The following NRXN1 variants were observed in gnomAD, a reference collection of about 807,000 sequenced individuals.
The protein encoded by NRXN1 is neurexin-1.
In NRXN1, 39 loss-of-function variants were observed where a neutral mutation model predicts 150.9. That is an observed-to-expected ratio of 0.26 (90% CI 0.20 to 0.34). NRXN1 has a LOEUF of 0.34. NRXN1 is among the 10% of genes least tolerant of loss of function. The pLI is 1.00. For synonymous variants in NRXN1, 924 were observed against 757.0 expected, an observed-to-expected ratio of 1.22 and a Z score of -3.62; for missense variants, 1,815 against 1,949.9, an observed-to-expected ratio of 0.93 and a Z score of 1.30.
At chr2:50,869,977 C>G in intron 5 of NRXN1, among the ~76,000 whole-genome samples, 1 of 151,856 alleles carries the variant, frequency 6.6e-6, no homozygotes, top group Admixed American at 6.6e-5. Flanking sequence ...TAATAAGACA[C>G]TTAAATGCTT....
intron 5 of NRXN1, among the ~76,000 whole-genome samples, chr2:50,643,643 C>T (rs1315237044): frequency 6.6e-6 from 1 of 151,818 alleles, no homozygotes; most frequent in Non-Finnish European, 1.5e-5. Flanking sequence ...TCTTCCGATA[C>T]TGTTAAGTAT....
intron 18 of NRXN1, 38 bp from the exon 19 acceptor site, chr2:50,091,532 T>A (rs780893476): frequency 1.1e-5 from 17 of 1,595,478 alleles, no homozygotes. Flanking sequence ...TGAATTAAGT[T>A]GACTAGTCAC....
chr2:50,482,209 T>C (rs920669978), intron 15 of NRXN1, among the ~76,000 whole-genome samples: 1 of 152,192 alleles, frequency 6.6e-6, no homozygotes, highest in Non-Finnish European at 1.5e-5. Flanking sequence ...CTGGTGGGCA[T>C]GCTAAATGGG....
At chr2:50,160,704 G>A (rs1274461531) in intron 18 of NRXN1, among the ~76,000 whole-genome samples, 4 of 152,142 alleles carry the variant, frequency 2.6e-5, no homozygotes, top group Non-Finnish European at 5.9e-5. Context: ...AGTATTCTTA[G>A]TGGTGCTTGT....
chr2:50,401,950 C>A (rs952451207), intron 17 of NRXN1, among the ~76,000 whole-genome samples: 22 of 151,948 alleles, frequency 1.4e-4, no homozygotes, highest in Non-Finnish European at 2.8e-4. Flanking sequence ...CCTCTCTTCC[C>A]CTATTGACCT....
intron 5 of NRXN1, among the ~76,000 whole-genome samples, chr2:50,833,730 T>C (rs530476356): frequency 5.3e-5 from 8 of 152,314 alleles, no homozygotes; most frequent in Middle Eastern, 3.4e-3. Context: ...GTAGTGGTGG[T>C]TATACAAAAC....
At chr2:50,770,463 C>T (rs374519597) in intron 5 of NRXN1, among the ~76,000 whole-genome samples, 3 of 152,010 alleles carry the variant, frequency 2.0e-5, no homozygotes, top group East Asian at 3.9e-4. Flanking sequence ...CTTACAGTTA[C>T]ATTGGACTAA....
chr2:50,740,384 T>C (rs1429262677), intron 5 of NRXN1, among the ~76,000 whole-genome samples: 3 of 152,126 alleles, frequency 2.0e-5, no homozygotes, highest in African/African-American at 4.8e-5. Flanking sequence ...GAGGATGCAA[T>C]GAATGAAACT....
intron 21 of NRXN1, among the ~76,000 whole-genome samples, chr2:50,015,324 G>A (rs1211953102): frequency 2.6e-5 from 4 of 151,714 alleles, no homozygotes; most frequent in East Asian, 3.9e-4. Context: ...ATGCTAGGAG[G>A]GAAAAAGGTC....
intron 17 of NRXN1, among the ~76,000 whole-genome samples, chr2:50,323,429 C>CTTT (rs770541253): frequency 6.6e-6 from 1 of 152,054 alleles, no homozygotes; most frequent in Non-Finnish European, 1.5e-5. Context: ...ACTAGAACCA[C>CTTT]TAAAGAGCAG....
At chr2:50,338,797 T>G (rs1175505533) in intron 17 of NRXN1, among the ~76,000 whole-genome samples, 2 of 152,116 alleles carry the variant, frequency 1.3e-5, no homozygotes. Flanking sequence ...GTCACGGGGC[T>G]ACCACACTTT....
At chr2:50,459,234 A>G (rs887515187) in intron 17 of NRXN1, among the ~76,000 whole-genome samples, 1 of 152,156 alleles carries the variant, frequency 6.6e-6, no homozygotes, top group African/African-American at 2.4e-5. Context: ...TGATAATTTG[A>G]TTTCATAAAG....
intron 17 of NRXN1, among the ~76,000 whole-genome samples, chr2:50,299,778 G>A (rs530805469): frequency 1.3e-5 from 2 of 152,200 alleles, no homozygotes; most frequent in South Asian, 4.1e-4. Flanking sequence ...CAGTCCTTTC[G>A]AAATGGCTAT....
intron 5 of NRXN1, among the ~76,000 whole-genome samples, chr2:50,793,536 T>C (rs1574494504): frequency 6.6e-6 from 1 of 152,116 alleles, no homozygotes; most frequent in South Asian, 2.1e-4. Context: ...TAATGCCTAG[T>C]TTATCCCTTA....
At chr2:50,950,250 A>G (rs1431145709) in intron 2 of NRXN1, among the ~76,000 whole-genome samples, 1 of 152,166 alleles carries the variant, frequency 6.6e-6, no homozygotes, top group Non-Finnish European at 1.5e-5. Flanking sequence ...AAGTAGGAAA[A>G]CTATACAGAA....
rs140804175 is a variant in NRXN1 at position 50,987,551 on chromosome 2, T to C, written c.772+39951A>G. On this transcript the variant is annotated intron_variant, in intron 2 of 22. Coordinates refer to ENST00000401669, the MANE Select transcript of NRXN1 (RefSeq NM_001330078.2). ...TATTACATCTGTGTGTGTCTAAAGT[T>C]TATTTAGGAAATCAGAATCTTACCA... Among the ~76,000 whole-genome samples the C allele has an allele frequency of 9.9e-5, 15 of 152,102 alleles. No individual in the cohort carries two copies. In the East Asian group the frequency reaches 2.5e-3, roughly 26 times the overall value.
chr2:50,399,012 G>A lies in NRXN1; in HGVS notation c.3364+66430C>T, dbSNP rs140630462. On this transcript the variant is annotated intron_variant, in intron 17 of 22. Coordinates refer to ENST00000401669, the MANE Select transcript of NRXN1 (RefSeq NM_001330078.2). The stretch of plus-strand genomic sequence containing the variant: ...ATAACATGTCTGGACAAATATGTGC[G>A]TGACTATTTTCAGGACTGATTGGAG... 2.5e-3 allele frequency among the ~76,000 whole-genome samples: 383 copies of A among 152,246 alleles called. 2 individuals are homozygous for A. Among genetic ancestry groups the A allele is most frequent in the African/African-American group, 8.4e-3 (351 of 41,566 alleles).
At position 50,560,023 on chromosome 2, in the gene NRXN1, C is replaced by T. The variant is rs575592016; in HGVS notation, c.1321-6998G>A. ...ATGAAAGGAGAAAATTAGACATTTC[C>T]CTTCATGTTCCTGCCACCATGAGGA... On this transcript the variant is annotated intron_variant, in intron 8 of 22. Coordinates refer to ENST00000401669, the MANE Select transcript of NRXN1 (RefSeq NM_001330078.2). 1.1e-4 allele frequency among the ~76,000 whole-genome samples: 16 copies of T among 152,202 alleles called. 1 individual carries two copies. The highest frequency in any genetic ancestry group is 3.6e-4 in the African/African-American group (15 of 41,538).
At chr2:50,596,620 C>A (rs1235463189) in intron 8 of NRXN1, among the ~76,000 whole-genome samples, 1 of 152,138 alleles carries the variant, frequency 6.6e-6, no homozygotes, top group Non-Finnish European at 1.5e-5. Context: ...TTTATTACAA[C>A]TACTAGAAGA....
Sources: gnomAD v4.1 joint callset for allele counts (sites outside exome capture counted in the v4.1 genomes callset) on GRCh38, gnomAD v4.1.1 for gene constraint, MANE v1.5 for transcripts, NCBI Gene and HGNC (gene_info 2026-07-23, HGNC 2026-07-21) for gene names.